The following GSE1 variants were observed in gnomAD, a reference collection of about 807,000 sequenced individuals.
GSE1 encodes Gse1 coiled-coil protein, also known as genetic suppressor element 1.
A neutral mutation model predicts 112.6 loss-of-function variants in GSE1; 32 were observed. The ratio of observed to expected loss-of-function variants is 0.28; its 90% CI spans 0.21 to 0.38. The LOEUF (loss-of-function observed/expected upper bound fraction) is 0.38. Among genes scored for constraint, GSE1 ranks in the 10% least tolerant of loss-of-function variants. GSE1 has a pLI of 1.00. For missense variants in GSE1, 2,348 were observed against 1,699.2 expected (o/e 1.38, Z -6.71); for synonymous variants, 1,115 against 735.6 (o/e 1.52, Z -8.35).
chr16:85,503,841 A>G (rs111289581), intron 2 of GSE1, among the ~76,000 whole-genome samples: 63 of 152,314 alleles, frequency 4.1e-4, no homozygotes, highest in Non-Finnish European at 7.4e-4. Context: ...CCGTGAACCC[A>G]TTAGCTGCAG....
chr16:85,620,310 A>G (rs2048650358), intron 1 of GSE1, among the ~76,000 whole-genome samples: 1 of 151,756 alleles, frequency 6.6e-6, no homozygotes, highest in African/African-American at 2.4e-5. Flanking sequence ...ACAAAATTAA[A>G]CTGAGCTGCT....
intron 2 of GSE1, among the ~76,000 whole-genome samples, chr16:85,502,082 G>T (rs747152545): frequency 2.0e-5 from 3 of 152,158 alleles, no homozygotes; most frequent in African/African-American, 7.2e-5. Context: ...ACTCGATGGG[G>T]GTCCGTGGGA....
At chr16:85,314,057 TTGTG>T (rs1359820674) in intron 1 of GSE1, among the ~76,000 whole-genome samples, 1 of 151,012 alleles carries the variant, frequency 6.6e-6, no homozygotes, top group Non-Finnish European at 1.5e-5. Context: ...TCACAGCTGT[TTGTG>T]TGTATAAGAC....
chr16:85,478,490 G>A (rs1453106557), intron 2 of GSE1, among the ~76,000 whole-genome samples: 1 of 148,558 alleles, frequency 6.7e-6, no homozygotes, highest in East Asian at 2.0e-4. Context: ...TCGTGCCATT[G>A]CACTGCAGCC....
At chr16:85,466,394 G>C (rs999621641) in intron 2 of GSE1, among the ~76,000 whole-genome samples, 1 of 152,210 alleles carries the variant, frequency 6.6e-6, no homozygotes, top group African/African-American at 2.4e-5. Context: ...GCGGATCCCT[G>C]TCATGGCTGC....
rs117843924 is a variant in GSE1 at position 85,198,253 on chromosome 16, G to A, written c.2283+26446G>A. ...ATGGGGACCAGGGCTCAGAAAGACC[G>A]AAGTCATGTGTTCCTGGCTGTAAAA... is the stretch of plus-strand genomic sequence containing the variant. On this transcript the variant is annotated intron_variant, in intron 1 of 2. Coordinates refer to the GSE1 transcript ENST00000637419. 3.3e-4 allele frequency among the ~76,000 whole-genome samples: 51 copies of A among 152,340 alleles called. No individual in the cohort carries two copies. In the East Asian group the frequency reaches 9.3e-3, roughly 28 times the overall value.
At chr16:85,420,982 C>G (rs1428446494) in intron 2 of GSE1, among the ~76,000 whole-genome samples, 2 of 152,238 alleles carry the variant, frequency 1.3e-5, no homozygotes, top group African/African-American at 4.8e-5. Flanking sequence ...CCGCCACCGC[C>G]TGTGCCACGT....
intron 1 of GSE1, among the ~76,000 whole-genome samples, chr16:85,275,485 G>A (rs940365209): frequency 2.0e-5 from 3 of 152,230 alleles, no homozygotes; most frequent in Non-Finnish European, 4.4e-5. Context: ...ACCTCGGTGC[G>A]AGTCTCAGAC....
intron 1 of GSE1, among the ~76,000 whole-genome samples, chr16:85,330,433 G>A (rs963404930): frequency 4.6e-5 from 7 of 152,230 alleles, no homozygotes; most frequent in African/African-American, 1.2e-4. Flanking sequence ...CTTTAGTCCA[G>A]CAAGACCCAA....
chr16:85,236,356 C>T (rs1396190287), intron 1 of GSE1, among the ~76,000 whole-genome samples: 3 of 152,222 alleles, frequency 2.0e-5, no homozygotes, highest in Non-Finnish European at 4.4e-5. Flanking sequence ...GTCCACAGAG[C>T]TTCATTTTCA....
chr16:85,302,090 C>T (rs989597922), intron 1 of GSE1, among the ~76,000 whole-genome samples: 19 of 152,166 alleles, frequency 1.2e-4, no homozygotes, highest in South Asian at 4.1e-4. Context: ...TAATGGCCAC[C>T]CCAGATCTCA....
chr16:85,231,215 AGATG>A (rs950711066), intron 1 of GSE1, among the ~76,000 whole-genome samples: 9 of 149,086 alleles, frequency 6.0e-5, no homozygotes, highest in South Asian at 4.3e-4. Flanking sequence ...ACAGAAGGAT[AGATG>A]GATGGATGAT....
At chr16:85,644,243 G>A (rs2050674139) in intron 2 of GSE1, among the ~76,000 whole-genome samples, 1 of 152,036 alleles carries the variant, frequency 6.6e-6, no homozygotes. Flanking sequence ...GGAGGCTGAG[G>A]TGGGAGGATC....
In GSE1 at chr16:85,666,030, C is replaced by A. The variant is rs1315436981; in HGVS notation, c.2813C>A (p.Ala938Asp). Residue 938 changes from alanine (A) to aspartate (D), a missense_variant, in exon 13 of 16, where the codon GCT (alanine) becomes GAT (aspartate). Physicochemically the swap from Ala to Asp is moderately radical, Grantham distance 126. Coordinates refer to ENST00000253458, the MANE Select transcript of GSE1 (RefSeq NM_014615.5). ...LDVEKPVGVA[A>D]SLSDIPKAAE... ...GTGGAGAAGCCGGTTGGTGTTGCTG[C>A]TTCCTTGTCTGACATCCCAAAGGCC... The A allele has an allele frequency of 2.5e-6, 4 of 1,613,736 alleles. No individual in the cohort carries two copies. The highest frequency in any genetic ancestry group is 3.4e-6 in the Non-Finnish European group (4 of 1,180,022).
intron 2 of GSE1, among the ~76,000 whole-genome samples, chr16:85,546,514 G>T (rs1037444640): frequency 6.6e-6 from 1 of 152,234 alleles, no homozygotes; most frequent in Admixed American, 6.5e-5. Context: ...TAGGATTGGT[G>T]GGGAGCCAGA....
At chr16:85,478,926 TCTCTTTCTTTCTTTCTTTC>T (rs1567520925) in intron 2 of GSE1, among the ~76,000 whole-genome samples, 2 of 40,046 alleles carry the variant, frequency 5.0e-5, no homozygotes, top group East Asian at 4.1e-4. Flanking sequence ...TTTCTTTCTT[TCTCTTTCTTTCTTTCTTTC>T]TTTTTTTTTC....
At chr16:85,220,381 C>T (rs541481993) in intron 1 of GSE1, among the ~76,000 whole-genome samples, 5 of 152,312 alleles carry the variant, frequency 3.3e-5, no homozygotes, top group South Asian at 2.1e-4. Context: ...AGCCGGCGAG[C>T]GGGCGGCGGC....
At chr16:85,245,804 T>G (rs1049123972) in intron 1 of GSE1, among the ~76,000 whole-genome samples, 5 of 152,026 alleles carry the variant, frequency 3.3e-5, no homozygotes, top group Non-Finnish European at 7.4e-5. Flanking sequence ...TTCCAGGACA[T>G]GGACTCTAGG....
chr16:85,510,302 AGACTCCTT>A (rs1194597622), intron 2 of GSE1, among the ~76,000 whole-genome samples: 1 of 152,234 alleles, frequency 6.6e-6, no homozygotes, highest in African/African-American at 2.4e-5. Flanking sequence ...CCAGCACGAA[AGACTCCTT>A]CCCTCTGGGC....
Sources: gnomAD v4.1 joint callset for allele counts (sites outside exome capture counted in the v4.1 genomes callset) on GRCh38, gnomAD v4.1.1 for gene constraint, MANE v1.5 for transcripts, NCBI Gene and HGNC (gene_info 2026-07-23, HGNC 2026-07-21) for gene names.